The following FSTL5 variants were observed in gnomAD, a reference collection of about 807,000 sequenced individuals.
FSTL5 encodes the protein follistatin like 5.
In FSTL5, 62 loss-of-function variants were observed where a neutral mutation model predicts 89.1. The observed-to-expected ratio is 0.70, with a 90% CI of 0.57 to 0.86. The LOEUF (loss-of-function observed/expected upper bound fraction) is 0.86, where lower values mean the gene tolerates loss of function less well. FSTL5 is among the 40% of genes least tolerant of loss of function. The probability of loss-of-function intolerance (pLI) is 0.00; values close to 1 mark genes in which losing one functional copy is unlikely to be tolerated. For synonymous variants in FSTL5, 383 were observed against 346.2 expected (o/e 1.11, Z -1.18); for missense variants, 1,057 against 1,001.6 (o/e 1.06, Z -0.75).
intron 10 of FSTL5, among the ~76,000 whole-genome samples, chr4:161,511,578 G>A (rs188155478): frequency 6.6e-6 from 1 of 152,196 alleles, no homozygotes; most frequent in East Asian, 1.9e-4. Flanking sequence ...AATGTACAAT[G>A]TGGGTGGTGA....
intron 7 of FSTL5, among the ~76,000 whole-genome samples, chr4:161,606,576 T>C (rs1341106258): frequency 6.6e-6 from 1 of 152,162 alleles, no homozygotes; most frequent in Admixed American, 6.5e-5. Context: ...AAAACTAGTG[T>C]ACATTTTTTA....
chr4:161,723,042 G>A (rs145791072), intron 6 of FSTL5, among the ~76,000 whole-genome samples: 1 of 152,250 alleles, frequency 6.6e-6, no homozygotes, highest in African/African-American at 2.4e-5. Flanking sequence ...AGTCATCTAA[G>A]GGGCCAGCCA....
intron 7 of FSTL5, among the ~76,000 whole-genome samples, chr4:161,624,787 A>G (rs1735257418): frequency 1.3e-5 from 2 of 152,032 alleles, no homozygotes; most frequent in South Asian, 4.1e-4. Flanking sequence ...ATATTTTTGC[A>G]TTTTAGTGCA....
chr4:161,554,846 T>C (rs1007817441), intron 8 of FSTL5, among the ~76,000 whole-genome samples: 2 of 151,666 alleles, frequency 1.3e-5, no homozygotes, highest in Non-Finnish European at 3.0e-5. Flanking sequence ...TATGACTTCC[T>C]TTGTCATTAA....
In FSTL5 at chr4:162,045,204, T is replaced by G. The variant is rs533307287; in HGVS notation, c.127-11546A>C. 3.9e-5 allele frequency among the ~76,000 whole-genome samples: 6 copies of G among 152,258 alleles called. No individual in the cohort carries two copies. In the South Asian group the frequency reaches 1.2e-3, roughly 32 times the overall value. On this transcript the variant is annotated intron_variant, in intron 2 of 15. Transcript: ENST00000306100. ...GAGACATACAATTCTTCCTTTCACT[T>G]GAACACTTAGAGGCCATTGTATGGT...
At chr4:161,846,419 A>G (rs1319828953) in intron 4 of FSTL5, among the ~76,000 whole-genome samples, 1 of 152,096 alleles carries the variant, frequency 6.6e-6, no homozygotes, top group African/African-American at 2.4e-5. Context: ...TCTTGAATGT[A>G]TTTTTTAGAG....
chr4:161,521,645 G>C (rs1183008640), intron 10 of FSTL5, among the ~76,000 whole-genome samples: 1 of 151,758 alleles, frequency 6.6e-6, no homozygotes, highest in Non-Finnish European at 1.5e-5. Flanking sequence ...TCAGGAGATC[G>C]AGACCATCCT....
At chr4:161,884,555 C>T (rs986562791) in intron 4 of FSTL5, among the ~76,000 whole-genome samples, 10 of 152,102 alleles carry the variant, frequency 6.6e-5, no homozygotes, top group African/African-American at 1.7e-4. Context: ...TGAAAAGATA[C>T]GGACTTTCTA....
rs1018890446 is a variant in FSTL5 at position 161,385,021 on chromosome 4, T to C, written c.*726A>G. The C allele has an allele frequency of 2.0e-5, 3 of 152,202 alleles. No homozygotes were observed. The highest frequency in any genetic ancestry group is 7.2e-5 in the African/African-American group (3 of 41,454). 9.4% of individuals were successfully genotyped at this position (152,202 alleles called of 1,614,324 possible). A position where few individuals can be genotyped will look rare whatever the true frequency, so the allele number is the denominator to read the frequency against. ...AGATAGATTGCAAATATTTTGACTG[T>C]AATTATTTTTCCTCCCTTCCTCCCC... On this transcript the variant is annotated 3_prime_UTR_variant, in exon 16 of 16. Coordinates refer to ENST00000306100, the MANE Select transcript of FSTL5 (RefSeq NM_020116.5).
At chr4:161,744,781 T>C (rs990986107) in intron 6 of FSTL5, among the ~76,000 whole-genome samples, 1 of 152,122 alleles carries the variant, frequency 6.6e-6, no homozygotes, top group Non-Finnish European at 1.5e-5. Context: ...TAGAATTATA[T>C]TATCATGCAA....
intron 2 of FSTL5, among the ~76,000 whole-genome samples, chr4:162,110,293 T>C (rs1207547586): frequency 6.6e-6 from 1 of 152,018 alleles, no homozygotes; most frequent in Non-Finnish European, 1.5e-5. Context: ...TTCATAAGAT[T>C]GCTTTGAAGA....
intron 6 of FSTL5, among the ~76,000 whole-genome samples, chr4:161,713,126 T>C (rs1738856230): frequency 6.6e-6 from 1 of 152,162 alleles, no homozygotes; most frequent in South Asian, 2.1e-4. Flanking sequence ...GTACAGGTGG[T>C]AAGTCCGAGC....
At position 161,992,900 on chromosome 4, in the gene FSTL5, GTGTGTA is replaced by G. The variant is rs1347706457; in HGVS notation, c.160+40719_160+40724del. On this transcript the variant is annotated intron_variant, in intron 3 of 15. Coordinates refer to ENST00000306100, the MANE Select transcript of FSTL5 (RefSeq NM_020116.5). Reference sequence around the variant, plus strand: ...TATATATATATATATATATATATGTGTGTGTATATATATATATATATATATGTGTGT... The same window carrying G: ...TATATATATATATATATATATATGTGTATATATATATATATATATGTGTGT... Among the ~76,000 whole-genome samples, 50 of 73,042 alleles carry G rather than the reference GTGTGTA, an allele frequency of 6.8e-4. 1 individual carries two copies. The highest frequency in any genetic ancestry group is 2.5e-3 in the African/African-American group (47 of 18,918). The allele number at this position is 73,042 out of a possible 152,430, so 47.9% of individuals were successfully genotyped here. A position where few individuals can be genotyped will look rare whatever the true frequency, so the allele number is the denominator to read the frequency against.
At chr4:161,946,870 A>C (rs543405314) in intron 3 of FSTL5, among the ~76,000 whole-genome samples, 1 of 152,212 alleles carries the variant, frequency 6.6e-6, no homozygotes. Context: ...TGTGAGTGCC[A>C]CCTGTTAAAT....
At chr4:161,994,502 T>A (rs1461808577) in intron 3 of FSTL5, among the ~76,000 whole-genome samples, 1 of 152,194 alleles carries the variant, frequency 6.6e-6, no homozygotes, top group African/African-American at 2.4e-5. Flanking sequence ...CCACCAACAA[T>A]GTATAAGTGT....
intron 13 of FSTL5, among the ~76,000 whole-genome samples, chr4:161,462,366 T>C (rs1488832205): frequency 1.3e-5 from 2 of 152,152 alleles, no homozygotes; most frequent in Non-Finnish European, 2.9e-5. Flanking sequence ...CTATTGGAGG[T>C]TAACAAGAAA....
At chr4:161,831,306 T>G (rs1392802042) in intron 4 of FSTL5, among the ~76,000 whole-genome samples, 2 of 151,954 alleles carry the variant, frequency 1.3e-5, no homozygotes, top group Non-Finnish European at 2.9e-5. Context: ...ATATAAAATT[T>G]TCTTTGGATA....
chr4:161,804,600 G>A (rs549697479), intron 4 of FSTL5, among the ~76,000 whole-genome samples: 158 of 151,464 alleles, frequency 1.0e-3, no homozygotes, highest in Non-Finnish European at 2.0e-3. Context: ...AAATATGGAT[G>A]AATTTATATT....
chr4:161,555,670 A>G (rs919927015), intron 8 of FSTL5, among the ~76,000 whole-genome samples: 4 of 151,492 alleles, frequency 2.6e-5, no homozygotes, highest in African/African-American at 9.7e-5. Flanking sequence ...TGATTTCTCC[A>G]TTTGTAAAAT....
Sources: allele counts gnomAD v4.1 joint callset (sites outside exome capture counted in the v4.1 genomes callset), GRCh38; gene constraint gnomAD v4.1.1; transcripts MANE v1.5; gene names NCBI Gene and HGNC (gene_info 2026-07-23, HGNC 2026-07-21).